CDH12: variants seen among roughly 807,000 people sequenced by gnomAD.
The protein encoded by CDH12 is cadherin 12, also known as cadherin-12.
A neutral mutation model predicts 74.1 loss-of-function variants in CDH12; 41 were observed. The ratio of observed to expected loss-of-function variants is 0.55; its 90% CI spans 0.43 to 0.72. The LOEUF (loss-of-function observed/expected upper bound fraction) is 0.72, where lower values mean the gene tolerates loss of function less well. CDH12 is among the 30% of genes least tolerant of loss of function. CDH12 has a pLI of 0.00. For missense variants in CDH12, 945 were observed against 977.2 expected (o/e 0.97, Z 0.44); for synonymous variants, 399 against 355.0 (o/e 1.12, Z -1.39).
intron 5 of CDH12, among the ~76,000 whole-genome samples, chr5:22,018,158 T>C (rs1737723518): frequency 6.6e-6 from 1 of 152,160 alleles, no homozygotes; most frequent in Non-Finnish European, 1.5e-5. Context: ...TTGATTAAAT[T>C]AGTTTGAAGT....
intron 1 of CDH12, among the ~76,000 whole-genome samples, chr5:22,734,786 C>T (rs944748468): frequency 6.6e-6 from 1 of 151,826 alleles, no homozygotes; most frequent in Non-Finnish European, 1.5e-5. Context: ...TTCACAAGAA[C>T]CGTTGTAAAC....
In CDH12 at chr5:22,625,936, T is replaced by A. The variant is rs571354776; in HGVS notation, c.-522-120572A>T. On this transcript the variant is annotated intron_variant, in intron 1 of 14. Coordinates refer to ENST00000382254, the MANE Select transcript of CDH12 (RefSeq NM_004061.5). ...TTGAAATCCCATCACTTTGTCAGTATACACACTTGGGTGGACCTTGCCTCC... is the reference window on the plus strand; with the variant it reads ...TTGAAATCCCATCACTTTGTCAGTAAACACACTTGGGTGGACCTTGCCTCC... 3.9e-5 allele frequency among the ~76,000 whole-genome samples: 6 copies of A among 152,232 alleles called. 1 individual carries two copies. In the South Asian group the frequency reaches 1.2e-3, roughly 32 times the overall value.
At chr5:22,005,708 C>A (rs886770007) in intron 5 of CDH12, among the ~76,000 whole-genome samples, 1 of 152,144 alleles carries the variant, frequency 6.6e-6, no homozygotes, top group African/African-American at 2.4e-5. Context: ...CTGTTTTACA[C>A]TGCAAATATA....
At chr5:22,756,424 C>G (rs911798416) in intron 1 of CDH12, among the ~76,000 whole-genome samples, 1 of 151,910 alleles carries the variant, frequency 6.6e-6, no homozygotes, top group African/African-American at 2.4e-5. Context: ...TTCTCTATTC[C>G]ATCCTAATTT....
At chr5:22,132,203 A>C (rs906378284) in intron 4 of CDH12, among the ~76,000 whole-genome samples, 2 of 151,976 alleles carry the variant, frequency 1.3e-5, no homozygotes, top group African/African-American at 4.8e-5. Flanking sequence ...TCCACTGTTG[A>C]GTGGAAGCAC....
At chr5:22,571,182 G>A (rs913362924) in intron 1 of CDH12, among the ~76,000 whole-genome samples, 3 of 152,014 alleles carry the variant, frequency 2.0e-5, no homozygotes, top group African/African-American at 7.2e-5. Context: ...ATTAACCTCT[G>A]TGTGTTCACT....
intron 1 of CDH12, among the ~76,000 whole-genome samples, chr5:22,725,526 A>C (rs557255211): frequency 1.3e-5 from 2 of 151,914 alleles, no homozygotes; most frequent in East Asian, 3.9e-4. Context: ...AAAATATCAT[A>C]GACTAAGTAT....
At chr5:22,699,619 C>T (rs997552528) in intron 1 of CDH12, among the ~76,000 whole-genome samples, 22 of 151,944 alleles carry the variant, frequency 1.4e-4, no homozygotes, top group Admixed American at 1.0e-3. Context: ...CATGATTTTC[C>T]GAGATACACA....
intron 6 of CDH12, among the ~76,000 whole-genome samples, chr5:21,877,321 A>G (rs982479000): frequency 2.6e-5 from 4 of 152,164 alleles, no homozygotes; most frequent in African/African-American, 9.7e-5. Context: ...CCATATGCTC[A>G]GAGTGTCTTG....
chr5:22,613,024 T>A (rs1257510527), intron 1 of CDH12, among the ~76,000 whole-genome samples: 13 of 152,104 alleles, frequency 8.5e-5, no homozygotes, highest in Non-Finnish European at 1.9e-4. Context: ...TTCTGCCGTA[T>A]CATTCATATT....
intron 2 of CDH12, among the ~76,000 whole-genome samples, chr5:22,484,023 G>C (rs1746491874): frequency 6.6e-6 from 1 of 151,328 alleles, no homozygotes; most frequent in African/African-American, 2.4e-5. Flanking sequence ...TTATCTAAAA[G>C]GTGGAGTGTA....
Position 22,668,378 on chromosome 5 carries a change from A to T in CDH12, c.-522-163014T>A, listed in dbSNP as rs1301487250. Among the ~76,000 whole-genome samples the T allele has an allele frequency of 3.9e-5, 6 of 152,144 alleles. No homozygotes were observed. In the East Asian group the frequency reaches 1.2e-3, roughly 29 times the overall value. On this transcript the variant is annotated intron_variant, in intron 1 of 14. Transcript: ENST00000382254. ...AAAAGGAATTACTTTCTCTTTTTTTAAATCTCTTTTGTTATGTGGTCATAA... is the reference window on the plus strand; with the variant it reads ...AAAAGGAATTACTTTCTCTTTTTTTTAATCTCTTTTGTTATGTGGTCATAA...
intron 1 of CDH12, among the ~76,000 whole-genome samples, chr5:22,605,446 T>C (rs189817034): frequency 6.6e-6 from 1 of 152,306 alleles, no homozygotes; most frequent in African/African-American, 2.4e-5. Flanking sequence ...TCTCAGACGA[T>C]AGCACAACCT....
At chr5:22,513,610 G>T (rs542661539) in intron 1 of CDH12, among the ~76,000 whole-genome samples, 1 of 152,192 alleles carries the variant, frequency 6.6e-6, no homozygotes, top group Non-Finnish European at 1.5e-5. Context: ...TGGGAGTCCT[G>T]GGCTAAAATT....
At chr5:21,778,098 A>C (rs1745693580) in intron 11 of CDH12, among the ~76,000 whole-genome samples, 1 of 152,196 alleles carries the variant, frequency 6.6e-6, no homozygotes, top group South Asian at 2.1e-4. Context: ...ACAACCCCTA[A>C]AGTATTTAAA....
At chr5:22,693,932 T>C (rs1742218100) in intron 1 of CDH12, among the ~76,000 whole-genome samples, 1 of 151,282 alleles carries the variant, frequency 6.6e-6, no homozygotes, top group Non-Finnish European at 1.5e-5. Context: ...AAAAAAAAAT[T>C]ATTTATTTAT....
At chr5:22,661,652 G>A (rs1580862512) in intron 1 of CDH12, among the ~76,000 whole-genome samples, 1 of 151,940 alleles carries the variant, frequency 6.6e-6, no homozygotes, top group Middle Eastern at 3.4e-3. Flanking sequence ...CTTTACATAT[G>A]CCCTAGTCAT....
intron 1 of CDH12, among the ~76,000 whole-genome samples, chr5:22,818,076 A>C (rs768353057): frequency 2.6e-5 from 4 of 152,174 alleles, no homozygotes; most frequent in Admixed American, 6.6e-5. Context: ...TACATTCAAC[A>C]ATGCCTTGTA....
chr5:22,050,816 T>C (rs1317962163), intron 5 of CDH12, among the ~76,000 whole-genome samples: 1 of 152,176 alleles, frequency 6.6e-6, no homozygotes, highest in African/African-American at 2.4e-5. Context: ...TGGTGAGAGT[T>C]CAACCATGAT....
Sources: gnomAD v4.1 joint callset for allele counts (sites outside exome capture counted in the v4.1 genomes callset) on GRCh38, gnomAD v4.1.1 for gene constraint, MANE v1.5 for transcripts, NCBI Gene and HGNC (gene_info 2026-07-23, HGNC 2026-07-21) for gene names.